The following NOTCH2 variants were observed in gnomAD, a reference collection of about 807,000 sequenced individuals.
NOTCH2 encodes neurogenic locus notch homolog protein 2.
NOTCH2 carries 29 observed loss-of-function variants against 235.8 expected under a neutral mutation model. The observed-to-expected ratio is 0.12, with a 90% CI of 0.09 to 0.17. The LOEUF is 0.17. Ranked by LOEUF, NOTCH2 falls within the 10% of genes least tolerant of loss-of-function variation. The pLI, the probability that NOTCH2 is intolerant of heterozygous loss-of-function variation, is 1.00. For missense variants in NOTCH2, 2,285 were observed against 3,150.2 expected (o/e 0.73, Z 6.57); for synonymous variants, 1,086 against 1,141.5 (o/e 0.95, Z 0.98).
At chr1:120,063,476 A>G (rs1655391654) in intron 1 of NOTCH2, among the ~76,000 whole-genome samples, 1 of 152,184 alleles carries the variant, frequency 6.6e-6, no homozygotes, top group African/African-American at 2.4e-5. Context: ...TGGAGGAATA[A>G]GGAGGCTTAC....
At position 120,023,293 on chromosome 1, in the gene NOTCH2, C is replaced by T. The variant is rs187441149; in HGVS notation, c.155+6613G>A. On this transcript the variant is annotated intron_variant, in intron 2 of 33. Transcript: ENST00000256646. ...TCTACTAAAAATACAAAAAATTAGC[C>T]GGGCGTGGTGGCGGGCGCTTGTAGT... 8.8e-4 allele frequency among the ~76,000 whole-genome samples: 133 copies of T among 150,860 alleles called. 1 individual carries two copies. The highest frequency in any genetic ancestry group is 6.8e-3 in the Middle Eastern group (2 of 294).
intron 4 of NOTCH2, among the ~76,000 whole-genome samples, chr1:119,989,608 T>A (rs587648825): frequency 0.031 from 4,723 of 151,124 alleles, 213 homozygotes; most frequent in African/African-American, 0.11. Flanking sequence ...ATATATTTTT[T>A]AAAAACTATT....
chr1:119,915,756 G>C lies in NOTCH2; in HGVS notation c.6966C>G (p.Pro2322=). Residue 2322 remains proline (P), a synonymous_variant, in exon 34 of 34, where the codon CCC becomes CCG. Coordinates refer to ENST00000256646, the MANE Select transcript of NOTCH2 (RefSeq NM_024408.4). ...KGSIAQPAGA[P]QPQSTCPPAV... is the part of the protein sequence containing the mutation. ...CTGGAGGGCAGGTGGACTGAGGCTG[G>C]GGAGCCCCCGCTGGTTGGGCAATAC... 17 of 1,608,004 alleles carry C rather than the reference G, an allele frequency of 1.1e-5. No homozygotes were observed. Among genetic ancestry groups the C allele is most frequent in the Non-Finnish European group, 1.4e-5 (17 of 1,175,800 alleles).
rs373157966 is a variant in NOTCH2 at position 119,912,006 on chromosome 1, A to G, written c.*3300T>C. 1 of 233,606 alleles carries G rather than the reference A, an allele frequency of 4.3e-6. No individual in the cohort carries two copies. 14.5% of individuals were successfully genotyped at this position (233,606 alleles called of 1,614,324 possible). A position where few individuals can be genotyped will look rare whatever the true frequency, so the allele number is the denominator to read the frequency against. ...GCAAATTATGACATCATGAGGTAAC[A>G]CTGCCAGGCCATGGATGCAGTATTG... On this transcript the variant is annotated 3_prime_UTR_variant, in exon 34 of 34. Coordinates refer to ENST00000256646, the MANE Select transcript of NOTCH2 (RefSeq NM_024408.4).
intron 18 of NOTCH2, 90 bp downstream of exon 18, chr1:119,941,436 C>T (rs1650059690): frequency 1.1e-6 from 1 of 904,550 alleles, no homozygotes. Flanking sequence ...CTCATCCCTG[C>T]TCCACAATTC....
chr1:119,972,036 G>A (rs1651382009), intron 5 of NOTCH2, among the ~76,000 whole-genome samples: 1 of 151,754 alleles, frequency 6.6e-6, no homozygotes. Flanking sequence ...CTGAGGTAGT[G>A]AGTGAGGGAG....
chr1:119,940,427 T>TTA, intron 19 of NOTCH2, 128 bp downstream of exon 19: 1 of 809,130 alleles, frequency 1.2e-6, no homozygotes, highest in Non-Finnish European at 2.1e-6. Flanking sequence ...GTTACCTAGA[T>TTA]TATCTCAGGG....
intron 5 of NOTCH2, among the ~76,000 whole-genome samples, chr1:119,971,185 G>T (rs974089688): frequency 6.6e-6 from 1 of 152,150 alleles, no homozygotes; most frequent in African/African-American, 2.4e-5. Flanking sequence ...TTGCACATCT[G>T]TCTCCCACTA....
intron 2 of NOTCH2, among the ~76,000 whole-genome samples, chr1:120,025,151 G>A (rs1653792632): frequency 6.6e-6 from 1 of 151,392 alleles, no homozygotes; most frequent in Admixed American, 6.6e-5. Flanking sequence ...AAAAATTCCT[G>A]GAAAAGACAG....
intron 2 of NOTCH2, among the ~76,000 whole-genome samples, chr1:120,021,920 AG>A (rs1553209160): frequency 1.9e-5 from 1 of 53,582 alleles, no homozygotes; most frequent in African/African-American, 8.0e-5. Flanking sequence ...ACAGTGGTTC[AG>A]GCCTGTAATT....
intron 2 of NOTCH2, among the ~76,000 whole-genome samples, chr1:120,021,321 C>G (rs1570754382): frequency 2.6e-5 from 1 of 38,768 alleles, no homozygotes; most frequent in East Asian, 6.5e-4. Context: ...AAACTTCATT[C>G]CTAACTACTG....
At chr1:120,065,327 T>C (rs1655465696) in intron 1 of NOTCH2, among the ~76,000 whole-genome samples, 1 of 152,258 alleles carries the variant, frequency 6.6e-6, no homozygotes, top group Non-Finnish European at 1.5e-5. Context: ...GTGTGCCTAT[T>C]AGATACCAAG....
intron 1 of NOTCH2, among the ~76,000 whole-genome samples, chr1:120,049,158 CA>C (rs1210583784): frequency 1.8e-5 from 1 of 56,706 alleles, no homozygotes; most frequent in Non-Finnish European, 3.4e-5. Flanking sequence ...GCCCAGCACA[CA>C]ATAGGTACAT....
chr1:120,023,407 A>G (rs1345458368), intron 2 of NOTCH2, among the ~76,000 whole-genome samples: 2 of 149,840 alleles, frequency 1.3e-5, no homozygotes, highest in Non-Finnish European at 3.0e-5. Flanking sequence ...ACTGCACTCC[A>G]GCCTGGGCCA....
At position 119,984,181 on chromosome 1, in the gene NOTCH2, T is replaced by C. The variant is rs587671101; in HGVS notation, c.874+2779A>G. On this transcript the variant is annotated intron_variant, in intron 5 of 33. Transcript: ENST00000256646. ...TAGGTTCTTAAAAAGGGAAAACACA[T>C]GGAGTAAATCACCAAATCTCAGGAT... 1.6e-4 allele frequency among the ~76,000 whole-genome samples: 25 copies of C among 152,242 alleles called. 1 individual carries two copies. The highest frequency in any genetic ancestry group is 1.5e-3 in the Admixed American group (23 of 15,284).
At chr1:119,997,601 A>G (rs1459037290) in intron 3 of NOTCH2, among the ~76,000 whole-genome samples, 1 of 151,968 alleles carries the variant, frequency 6.6e-6, no homozygotes, top group Non-Finnish European at 1.5e-5. Flanking sequence ...CCAATCCTGC[A>G]GGACGCTATC....
chr1:119,924,443 C>A (rs993829606), intron 25 of NOTCH2, among the ~76,000 whole-genome samples: 2 of 152,142 alleles, frequency 1.3e-5, no homozygotes, highest in Non-Finnish European at 2.9e-5. Flanking sequence ...TTAACATGAC[C>A]CATTTCTTTC....
Position 119,926,412 on chromosome 1 carries a change from T to C in NOTCH2, c.4005+87A>G, listed in dbSNP as rs1352538589. 2.9e-6 allele frequency: 3 copies of C among 1,039,004 alleles called. No individual in the cohort carries two copies. In the East Asian group the frequency reaches 7.7e-5, roughly 27 times the overall value. 64.4% of individuals were successfully genotyped at this position (1,039,004 alleles called of 1,614,324 possible). On this transcript the variant is annotated intron_variant, in intron 24 of 33. Coordinates refer to ENST00000256646, the MANE Select transcript of NOTCH2 (RefSeq NM_024408.4). ...TGAGAAATCTTCCCATTTCGAAGAT[T>C]GGTAAAACCAGGTTTAATCTCAGTT...
chr1:119,935,499 T>G lies in NOTCH2; in HGVS notation c.3628A>C (p.Lys1210Gln). 1 of 1,614,212 alleles carries G rather than the reference T, an allele frequency of 6.2e-7. No homozygotes were observed. ...CGAGTGCCTGGTGGGCAAGAGCACTTGAAATGGTTCACAAGGTCAATACAG... is the reference window on the plus strand; with the variant it reads ...CGAGTGCCTGGTGGGCAAGAGCACTGGAAATGGTTCACAAGGTCAATACAG... ...GTCIDLVNHF[K>Q]CSCPPGTRGL... Residue 1210 changes from lysine to glutamine, a missense_variant, in exon 22 of 34, where the codon AAG becomes CAG. Coordinates refer to ENST00000256646, the MANE Select transcript of NOTCH2 (RefSeq NM_024408.4).
Sources: gnomAD v4.1 joint callset for allele counts (sites outside exome capture counted in the v4.1 genomes callset) on GRCh38, gnomAD v4.1.1 for gene constraint, MANE v1.5 for transcripts, NCBI Gene and HGNC (gene_info 2026-07-23, HGNC 2026-07-21) for gene names.